PTBP3: variants seen among roughly 807,000 people sequenced by gnomAD.
The protein encoded by PTBP3 is polypyrimidine tract-binding protein 3.
Under a neutral mutation model 58.7 loss-of-function variants are expected in PTBP3, and 20 were observed. The observed-to-expected ratio is 0.34, with a 90% CI of 0.24 to 0.50. The LOEUF (loss-of-function observed/expected upper bound fraction) is 0.50. Among genes scored for constraint, PTBP3 ranks in the 20% least tolerant of loss-of-function variants. PTBP3 has a pLI of 0.98. For synonymous variants in PTBP3, 185 were observed against 219.8 expected, an observed-to-expected ratio of 0.84 and a Z score of 1.40; for missense variants, 509 against 637.2, an observed-to-expected ratio of 0.80 and a Z score of 2.17.
chr9:112,280,757 CTGTGTGTGTATGTG>C (rs1040133969), intron 2 of PTBP3, among the ~76,000 whole-genome samples: 1 of 69,686 alleles, frequency 1.4e-5, no homozygotes, highest in African/African-American at 7.5e-5. Flanking sequence ...ACGTGTGTGT[CTGTGTGTGTATGTG>C]TGTGTGTGTG....
intron 1 of PTBP3, among the ~76,000 whole-genome samples, chr9:112,303,585 G>A (rs532309006): frequency 1.3e-5 from 2 of 152,326 alleles, no homozygotes; most frequent in South Asian, 2.1e-4. Flanking sequence ...AATACTACAG[G>A]CTGGGCGCGG....
Position 112,220,333 on chromosome 9 carries a change from G to A in PTBP3, c.*3518C>T, listed in dbSNP as rs902659142. 3 of 1,291,998 alleles carry A rather than the reference G, an allele frequency of 2.3e-6. No homozygotes were observed. The highest frequency in any genetic ancestry group is 4.6e-5 in the Admixed American group (2 of 43,836). The allele number at this position is 1,291,998 out of a possible 1,614,324, so 80.0% of individuals were successfully genotyped here. A position where few individuals can be genotyped will look rare whatever the true frequency, so the allele number is the denominator to read the frequency against. ...GTAATCCCAGCACTGTGGGGAGGTGGAAGCAGGAGAATCACTTGAGCCCAG... is the reference window on the plus strand; with the variant it reads ...GTAATCCCAGCACTGTGGGGAGGTGAAAGCAGGAGAATCACTTGAGCCCAG... On this transcript the variant is annotated 3_prime_UTR_variant, in exon 14 of 14. Transcript: ENST00000374257.
intron 1 of PTBP3, among the ~76,000 whole-genome samples, chr9:112,308,630 T>C (rs1829339670): frequency 6.6e-6 from 1 of 152,022 alleles, no homozygotes; most frequent in Non-Finnish European, 1.5e-5. Flanking sequence ...GACAAGTGAA[T>C]GCAGACGACC....
rs1384700187 is a variant in PTBP3 at position 112,219,108 on chromosome 9, A to C, written c.*4743T>G. On this transcript the variant is annotated 3_prime_UTR_variant, in exon 14 of 14. Transcript: ENST00000374257. ...GCCGCTCTGCACTGGTTCTTCTTTC[A>C]GAAAGGAGCTTGGGGAAAATGCAAA... 6.6e-6 allele frequency: 1 copy of C among 152,666 alleles called. No individual in the cohort carries two copies. The highest frequency in any genetic ancestry group is 1.5e-5 in the Non-Finnish European group (1 of 68,068). The allele number at this position is 152,666 out of a possible 1,614,324, so 9.5% of individuals were successfully genotyped here.
At chr9:112,270,548 G>A (rs1827334693) in intron 3 of PTBP3, among the ~76,000 whole-genome samples, 3 of 151,564 alleles carry the variant, frequency 2.0e-5, no homozygotes. Flanking sequence ...CCCAAGATAA[G>A]AATCATAATT....
chr9:112,356,071 C>G, the PTBP3 span, among the ~76,000 whole-genome samples: 630 of 149,956 alleles, frequency 4.2e-3, 3 homozygotes, highest in African/African-American at 0.015. Flanking sequence ...CTCTCTCTCT[C>G]TCTTAGATGG....
chr9:112,360,244 T>G, the PTBP3 span, among the ~76,000 whole-genome samples: 1 of 152,102 alleles, frequency 6.6e-6, no homozygotes, highest in Non-Finnish European at 1.5e-5. Flanking sequence ...AGTGCAGTGA[T>G]GCACTTACAG....
upstream of PTBP3, among the ~76,000 whole-genome samples, chr9:112,336,431 T>A (rs1045730313): frequency 6.6e-6 from 1 of 152,014 alleles, no homozygotes; most frequent in African/African-American, 2.4e-5. Context: ...ATTTGATAAA[T>A]TTTTTGAAAA....
intron 1 of PTBP3, among the ~76,000 whole-genome samples, chr9:112,329,517 T>C (rs547721256): frequency 1.3e-5 from 2 of 152,248 alleles, no homozygotes; most frequent in Non-Finnish European, 2.9e-5. Flanking sequence ...GCTCTCTGGA[T>C]GTTTGCCTTT....
At chr9:112,266,111 A>G (rs918499787) in intron 4 of PTBP3, among the ~76,000 whole-genome samples, 22 of 152,268 alleles carry the variant, frequency 1.4e-4, no homozygotes, top group African/African-American at 4.3e-4. Context: ...GGAGGAAGGA[A>G]TAGGGAGTTA....
intron 5 of PTBP3, among the ~76,000 whole-genome samples, chr9:112,261,402 G>A (rs962871315): frequency 6.6e-6 from 1 of 152,174 alleles, no homozygotes; most frequent in Admixed American, 6.5e-5. Context: ...AAGGACTGTG[G>A]GAAAGTAAAC....
At chr9:112,301,814 TAGTG>T (rs1299209963) in intron 1 of PTBP3, among the ~76,000 whole-genome samples, 1 of 152,232 alleles carries the variant, frequency 6.6e-6, no homozygotes, top group Non-Finnish European at 1.5e-5. Context: ...GGAGGAAACT[TAGTG>T]AGGGGCACAC....
At chr9:112,329,674 C>A (rs1178566576) in intron 1 of PTBP3, among the ~76,000 whole-genome samples, 1 of 152,100 alleles carries the variant, frequency 6.6e-6, no homozygotes, top group Non-Finnish European at 1.5e-5. Context: ...AATGGGAATA[C>A]TGATTACCTA....
At chr9:112,241,163 G>A (rs1334600915) in intron 7 of PTBP3, among the ~76,000 whole-genome samples, 1 of 152,066 alleles carries the variant, frequency 6.6e-6, no homozygotes, top group Non-Finnish European at 1.5e-5. Context: ...GAGTGCAGTG[G>A]CACAATCTGG....
intron 10 of PTBP3, among the ~76,000 whole-genome samples, 189 bp from the exon 11 acceptor site, chr9:112,228,661 C>T (rs768792194): frequency 6.6e-6 from 1 of 152,158 alleles, no homozygotes; most frequent in Non-Finnish European, 1.5e-5. Flanking sequence ...TTGGATGTCC[C>T]ATCAACACTC....
At chr9:112,363,979 T>C in the PTBP3 span, among the ~76,000 whole-genome samples, 1 of 152,292 alleles carries the variant, frequency 6.6e-6, no homozygotes, top group South Asian at 2.1e-4. Flanking sequence ...AAAAATCTTC[T>C]GATCTCTGCC....
chr9:112,342,471 C>T, the PTBP3 span, among the ~76,000 whole-genome samples: 1 of 152,214 alleles, frequency 6.6e-6, no homozygotes, highest in African/African-American at 2.4e-5. Context: ...AATCCCAACA[C>T]TTTGGGAGGC....
At chr9:112,301,294 GACCATGATACT>G in intron 1 of PTBP3, among the ~76,000 whole-genome samples, 1 of 136,070 alleles carries the variant, frequency 7.3e-6, no homozygotes, top group African/African-American at 2.5e-5. Flanking sequence ...GAAAAATTAA[GACCATGATACT>G]ACCACTTAAC....
intron 5 of PTBP3, among the ~76,000 whole-genome samples, chr9:112,259,116 T>A (rs1029274427): frequency 6.6e-6 from 1 of 152,132 alleles, no homozygotes; most frequent in East Asian, 1.9e-4. Flanking sequence ...CACCCTTGAC[T>A]AATATTTTGT....
Sources: gnomAD v4.1 joint callset for allele counts (sites outside exome capture counted in the v4.1 genomes callset) on GRCh38, gnomAD v4.1.1 for gene constraint, MANE v1.5 for transcripts, NCBI Gene and HGNC (gene_info 2026-07-23, HGNC 2026-07-21) for gene names.